TRPS1: variants seen among roughly 807,000 people sequenced by gnomAD.
The protein encoded by TRPS1 is transcriptional repressor GATA binding 1.
A neutral mutation model predicts 101.2 loss-of-function variants in TRPS1; 6 were observed. The ratio of observed to expected loss-of-function variants is 0.06; its 90% CI spans 0.03 to 0.12. The LOEUF (loss-of-function observed/expected upper bound fraction) is 0.12. Among genes scored for constraint, TRPS1 ranks in the 10% least tolerant of loss-of-function variants. The pLI, the probability that TRPS1 is intolerant of heterozygous loss-of-function variation, is 1.00. For missense variants in TRPS1, 1,363 were observed against 1,567.0 expected (o/e 0.87, Z 2.20); for synonymous variants, 578 against 589.8 (o/e 0.98, Z 0.29).
intron 1 of TRPS1, among the ~76,000 whole-genome samples, chr8:115,627,201 C>T (rs1818528145): frequency 6.6e-6 from 1 of 151,658 alleles, no homozygotes. Flanking sequence ...CCTTTCATAA[C>T]CAGTGAGAGG....
At chr8:115,627,498 C>T (rs1818537046) in intron 1 of TRPS1, among the ~76,000 whole-genome samples, 1 of 151,704 alleles carries the variant, frequency 6.6e-6, no homozygotes, top group African/African-American at 2.4e-5. Context: ...CACTTAAATT[C>T]AAAAAGAGTA....
At chr8:115,535,362 CAT>C (rs1378968509) in intron 5 of TRPS1, among the ~76,000 whole-genome samples, 44 of 131,322 alleles carry the variant, frequency 3.4e-4, no homozygotes, top group African/African-American at 1.0e-3. Context: ...ATACATAGCA[CAT>C]ATATATAGCA....
At chr8:115,611,666 A>C (rs1297636937) in intron 3 of TRPS1, among the ~76,000 whole-genome samples, 1 of 152,222 alleles carries the variant, frequency 6.6e-6, no homozygotes, top group Non-Finnish European at 1.5e-5. Flanking sequence ...TGATCATGAA[A>C]GGGCATTTCA....
At chr8:115,492,945 C>A (rs552029562) in intron 5 of TRPS1, among the ~76,000 whole-genome samples, 1 of 152,220 alleles carries the variant, frequency 6.6e-6, no homozygotes, top group East Asian at 1.9e-4. Context: ...GAACACTTGA[C>A]CTCAAGTGAT....
intron 3 of TRPS1, among the ~76,000 whole-genome samples, chr8:115,618,446 A>C (rs1189716194): frequency 1.3e-5 from 2 of 152,222 alleles, no homozygotes; most frequent in African/African-American, 4.8e-5. Flanking sequence ...GGCTGTTTTT[A>C]ATAAAAGTAA....
chr8:115,658,310 G>A (rs1811720870), intron 1 of TRPS1, among the ~76,000 whole-genome samples: 1 of 152,106 alleles, frequency 6.6e-6, no homozygotes, highest in African/African-American at 2.4e-5. Context: ...GTCACGCAAA[G>A]CCGGAACTGA....
At chr8:115,444,013 C>G (rs566038735) in intron 5 of TRPS1, among the ~76,000 whole-genome samples, 19 of 152,168 alleles carry the variant, frequency 1.2e-4, no homozygotes, top group African/African-American at 3.9e-4. Flanking sequence ...TTTAAAGATC[C>G]CCATTATTTA....
chr8:115,593,043 C>G (rs527360588), intron 4 of TRPS1, among the ~76,000 whole-genome samples: 1 of 152,054 alleles, frequency 6.6e-6, no homozygotes, highest in South Asian at 2.1e-4. Flanking sequence ...GCCTTGAACT[C>G]CTGGGCTCAA....
intron 1 of TRPS1, among the ~76,000 whole-genome samples, chr8:115,661,941 T>C (rs924746426): frequency 3.9e-5 from 6 of 151,938 alleles, no homozygotes; most frequent in African/African-American, 1.4e-4. Flanking sequence ...TAAATAAAAA[T>C]TTATTAACAG....
intron 5 of TRPS1, among the ~76,000 whole-genome samples, chr8:115,424,220 T>A (rs1407153317): frequency 6.6e-6 from 1 of 152,256 alleles, no homozygotes; most frequent in Non-Finnish European, 1.5e-5. Context: ...CTGATTTATA[T>A]AATGTTAGTA....
At chr8:115,496,516 C>T (rs1441009887) in intron 5 of TRPS1, among the ~76,000 whole-genome samples, 2 of 152,050 alleles carry the variant, frequency 1.3e-5, no homozygotes, top group African/African-American at 4.8e-5. Flanking sequence ...TGATGAATAT[C>T]CTATAACGAG....
At chr8:115,524,548 T>TGACCTCATGATCTGCC (rs1815949293) in intron 5 of TRPS1, among the ~76,000 whole-genome samples, 1 of 152,022 alleles carries the variant, frequency 6.6e-6, no homozygotes, top group Admixed American at 6.6e-5. Flanking sequence ...CTCGAACTCC[T>TGACCTCATGATCTGCC]GACCTCATGA....
chr8:115,565,025 T>C (rs905645429), intron 5 of TRPS1, among the ~76,000 whole-genome samples: 6 of 151,946 alleles, frequency 3.9e-5, no homozygotes, highest in African/African-American at 1.2e-4. Flanking sequence ...CAGGAGAGAG[T>C]TGAGTAGATG....
chr8:115,611,773 G>A lies in TRPS1; in HGVS notation c.967-6771C>T, dbSNP rs76546509. On this transcript the variant is annotated intron_variant, in intron 3 of 6. Coordinates refer to ENST00000395715, the MANE Select transcript of TRPS1 (RefSeq NM_014112.5). Reference sequence around the variant, plus strand: ...AGGAGGGCCGAGGCATTATCAAATCGTTAAATGGAATATGGTACATAACGG... The same window carrying A: ...AGGAGGGCCGAGGCATTATCAAATCATTAAATGGAATATGGTACATAACGG... Among the ~76,000 whole-genome samples, 289 of 152,286 alleles carry A rather than the reference G, an allele frequency of 1.9e-3. 2 individuals carry two copies. Among genetic ancestry groups the A allele is most frequent in the African/African-American group, 6.1e-3 (252 of 41,574 alleles).
chr8:115,558,878 T>C (rs1009961895), intron 5 of TRPS1, among the ~76,000 whole-genome samples: 1 of 152,150 alleles, frequency 6.6e-6, no homozygotes, highest in Non-Finnish European at 1.5e-5. Flanking sequence ...TGGTATTTTT[T>C]TAAAGGATAA....
At chr8:115,440,325 T>C (rs1051326568) in intron 5 of TRPS1, among the ~76,000 whole-genome samples, 2 of 152,144 alleles carry the variant, frequency 1.3e-5, no homozygotes, top group East Asian at 1.9e-4. Context: ...CTCACGCCAA[T>C]AGGAAGACCG....
intron 5 of TRPS1, among the ~76,000 whole-genome samples, chr8:115,477,779 CAG>C (rs1464931917): frequency 2.0e-5 from 3 of 151,940 alleles, no homozygotes; most frequent in African/African-American, 7.2e-5. Flanking sequence ...TCTTAAAATA[CAG>C]ACTGTTTCTT....
chr8:115,458,376 TA>T (rs1439132938), intron 5 of TRPS1, among the ~76,000 whole-genome samples: 1 of 152,156 alleles, frequency 6.6e-6, no homozygotes, highest in Admixed American at 6.6e-5. Context: ...TTAATAGACA[TA>T]AACATACTGA....
chr8:115,535,759 G>GTGTATATATATATGAGACTGTCA (rs1816304424), intron 5 of TRPS1, among the ~76,000 whole-genome samples: 1 of 151,132 alleles, frequency 6.6e-6, no homozygotes, highest in Non-Finnish European at 1.5e-5. Flanking sequence ...ACATGTATAT[G>GTGTATATATATATGAGACTGTCA]TGTATATATA....
Sources: allele counts gnomAD v4.1 joint callset (sites outside exome capture counted in the v4.1 genomes callset), GRCh38; gene constraint gnomAD v4.1.1; transcripts MANE v1.5; gene names NCBI Gene and HGNC (gene_info 2026-07-23, HGNC 2026-07-21).